Variants in ABCB5 observed in about 807,000 individuals in gnomAD.
ABCB5 encodes ATP-binding cassette sub-family B member 5.
ABCB5 carries 155 observed loss-of-function variants against 144.2 expected under a neutral mutation model. The observed-to-expected ratio is 1.08, with a 90% CI of 0.94 to 1.23. The LOEUF (loss-of-function observed/expected upper bound fraction) is 1.23, where lower values mean the gene tolerates loss of function less well. Among genes scored for constraint, ABCB5 ranks in the 50% most tolerant of loss-of-function variants. The pLI is 0.00. For synonymous variants in ABCB5, 610 were observed against 528.6 expected, an observed-to-expected ratio of 1.15 and a Z score of -2.11; for missense variants, 1,830 against 1,520.8, an observed-to-expected ratio of 1.20 and a Z score of -3.38.
intron 21 of ABCB5, among the ~76,000 whole-genome samples, chr7:20,725,732 T>G (rs565079306): frequency 2.0e-5 from 3 of 152,220 alleles, no homozygotes; most frequent in Non-Finnish European, 2.9e-5. Flanking sequence ...CCTTTTGTTT[T>G]TCCTCAAAAT....
intron 20 of ABCB5, among the ~76,000 whole-genome samples, chr7:20,710,039 T>C (rs1786971364): frequency 7.0e-6 from 1 of 143,828 alleles, no homozygotes; most frequent in Non-Finnish European, 1.5e-5. Context: ...CACTCCATCC[T>C]GGGCGACAGA....
chr7:20,658,736 C>T (rs557825431), intron 14 of ABCB5, 60 bp downstream of exon 14: 20 of 1,571,636 alleles, frequency 1.3e-5, no homozygotes, highest in Non-Finnish European at 1.7e-5. Flanking sequence ...TTTTGAAGTA[C>T]AAGAAAGTAT....
chr7:20,672,502 T>C (rs934675500), intron 14 of ABCB5, among the ~76,000 whole-genome samples: 2 of 152,114 alleles, frequency 1.3e-5, no homozygotes, highest in Non-Finnish European at 2.9e-5. Flanking sequence ...CAAACCACCA[T>C]GGCACACATT....
intron 15 of ABCB5, 31 bp from the exon 16 acceptor site, chr7:20,685,665 A>G (rs778393568): frequency 6.5e-6 from 10 of 1,548,488 alleles, no homozygotes; most frequent in South Asian, 3.6e-5. Flanking sequence ...AGGCATTCTT[A>G]TAATGATAAC....
intron 25 of ABCB5, among the ~76,000 whole-genome samples, chr7:20,744,377 G>T (rs1042778363): frequency 3.3e-5 from 5 of 151,860 alleles, no homozygotes; most frequent in Non-Finnish European, 7.4e-5. Context: ...TTTTGCTATT[G>T]CCCTGACCAG....
At position 20,755,459 on chromosome 7, in the gene ABCB5, G is replaced by A. The variant is rs61999295; in HGVS notation, c.3609G>A (p.Thr1203=). Residue 1203 remains threonine (T), a synonymous_variant, in exon 28 of 28, where the codon ACG becomes ACA. Transcript: ENST00000404938. ...VVQHALDKAR[T]GRTCLVVTHR... ...AGCATGCCCTTGATAAAGCCAGGAC[G>A]GGAAGGACATGCCTAGTGGTCACTC... 1,113 of 1,614,176 alleles carry A rather than the reference G, an allele frequency of 6.9e-4. 4 individuals are homozygous for A. The African/African-American group carries it at 0.013, about 19-fold the overall frequency.
chr7:20,644,703 C>T (rs1784365572), intron 7 of ABCB5, among the ~76,000 whole-genome samples: 1 of 152,220 alleles, frequency 6.6e-6, no homozygotes. Context: ...TTTGGCAACA[C>T]TAATCATTCT....
Position 20,708,168 on chromosome 7 carries a change from T to C in ABCB5, c.2421+3361T>C, listed in dbSNP as rs529741948. On this transcript the variant is annotated intron_variant, in intron 20 of 27. Transcript: ENST00000404938. Reference sequence around the variant, plus strand: ...TGTGTAAAACAACTTGACATTACTTTTGATTCAAACAATGTTGCCATGGAA... The same window carrying C: ...TGTGTAAAACAACTTGACATTACTTCTGATTCAAACAATGTTGCCATGGAA... Among the ~76,000 whole-genome samples, 3 of 152,288 alleles carry C rather than the reference T, an allele frequency of 2.0e-5. No homozygotes were observed. In the South Asian group the frequency reaches 6.2e-4, roughly 32 times the overall value.
At chr7:20,665,944 C>A (rs1051134450) in intron 14 of ABCB5, among the ~76,000 whole-genome samples, 3 of 150,132 alleles carry the variant, frequency 2.0e-5, no homozygotes. Flanking sequence ...CAGAGACAGG[C>A]GGATCACCTA....
intron 24 of ABCB5, among the ~76,000 whole-genome samples, chr7:20,739,407 T>A (rs2128054421): frequency 6.6e-6 from 1 of 152,048 alleles, no homozygotes; most frequent in Non-Finnish European, 1.5e-5. Flanking sequence ...AAATAAAAAA[T>A]AAATGTCCAC....
intron 22 of ABCB5, among the ~76,000 whole-genome samples, chr7:20,727,603 T>A (rs1057102674): frequency 1.3e-5 from 2 of 151,994 alleles, no homozygotes. Flanking sequence ...GGTGTGGTGG[T>A]GCACACTTGT....
chr7:20,632,660 A>T (rs1268742897), intron 5 of ABCB5, among the ~76,000 whole-genome samples: 3 of 152,126 alleles, frequency 2.0e-5, no homozygotes, highest in African/African-American at 7.2e-5. Flanking sequence ...GCACATACAC[A>T]CCATGGAATA....
At chr7:20,660,012 G>T in intron 14 of ABCB5, 1 of 985,466 alleles carries the variant, frequency 1.0e-6, no homozygotes, top group Non-Finnish European at 1.2e-6. Flanking sequence ...AAAATGTATT[G>T]TAATAGGCTC....
intron 26 of ABCB5, among the ~76,000 whole-genome samples, chr7:20,752,457 T>C (rs1350622401): frequency 1.3e-5 from 2 of 152,166 alleles, no homozygotes; most frequent in South Asian, 2.1e-4. Flanking sequence ...ACTGGAGAAA[T>C]TGGGTTATTA....
chr7:20,637,807 G>T (rs1333675107), intron 5 of ABCB5, among the ~76,000 whole-genome samples: 1 of 152,134 alleles, frequency 6.6e-6, no homozygotes, highest in Non-Finnish European at 1.5e-5. Flanking sequence ...CTACTTGAAA[G>T]AGAAGGGGCA....
At chr7:20,719,619 T>G (rs1312209279) in intron 20 of ABCB5, among the ~76,000 whole-genome samples, 23 of 152,078 alleles carry the variant, frequency 1.5e-4, no homozygotes, top group Admixed American at 1.5e-3. Context: ...AGCCCCGATA[T>G]TATGACACCC....
chr7:20,698,418 T>A lies in ABCB5; in HGVS notation c.2022T>A (p.Pro674=). 1 of 1,576,796 alleles carries A rather than the reference T, an allele frequency of 6.3e-7. No individual in the cohort carries two copies. Among genetic ancestry groups the A allele is most frequent in the Non-Finnish European group, 8.6e-7 (1 of 1,168,640 alleles). Residue 674 remains proline, a synonymous_variant, in exon 17 of 28, where the codon CCT becomes CCA. Coordinates refer to ENST00000404938, the MANE Select transcript of ABCB5 (RefSeq NM_001163941.2). ...ESTQSKEISL[P]EVSLLKILKL... ...TATTTTATTTTTAGATAAGTCTTCC[T>A]GAAGTCTCTCTATTAAAAATTTTAA...
chr7:20,659,840 C>T (rs1784942422), intron 14 of ABCB5: 4 of 914,348 alleles, frequency 4.4e-6, no homozygotes, highest in Non-Finnish European at 5.2e-6. Flanking sequence ...TGCATCACCA[C>T]ACCCAGCTAA....
intron 4 of ABCB5, among the ~76,000 whole-genome samples, chr7:20,631,316 G>A (rs147071238): frequency 6.6e-6 from 1 of 152,116 alleles, no homozygotes; most frequent in African/African-American, 2.4e-5. Context: ...ATAGAATAAG[G>A]GAGAAATGAT....
Sources: gnomAD v4.1 joint callset for allele counts (sites outside exome capture counted in the v4.1 genomes callset) on GRCh38, gnomAD v4.1.1 for gene constraint, MANE v1.5 for transcripts, NCBI Gene and HGNC (gene_info 2026-07-23, HGNC 2026-07-21) for gene names.